SUCLG2: variants seen among roughly 807,000 people sequenced by gnomAD.
SUCLG2 encodes succinate--CoA ligase [GDP-forming] subunit beta, mitochondrial.
In SUCLG2, 42 loss-of-function variants were observed where a neutral mutation model predicts 47.9. The observed-to-expected ratio is 0.88, with a 90% CI of 0.69 to 1.14. The LOEUF is 1.14. SUCLG2 is among the 50% of genes most tolerant of loss of function. The pLI is 0.00. For synonymous variants in SUCLG2, 195 were observed against 197.3 expected (o/e 0.99, Z 0.10); for missense variants, 571 against 525.9 (o/e 1.09, Z -0.84).
intron 2 of SUCLG2, among the ~76,000 whole-genome samples, chr3:67,594,039 C>T (rs1261034507): frequency 6.6e-6 from 1 of 152,208 alleles, no homozygotes; most frequent in African/African-American, 2.4e-5. Context: ...ACTATACCCA[C>T]ACCTAGCCCA....
chr3:67,654,567 G>A lies in SUCLG2; in HGVS notation c.20C>T (p.Ala7Val). The A allele has an allele frequency of 3.1e-6, 4 of 1,273,804 alleles. No homozygotes were observed. The highest frequency in any genetic ancestry group is 4.0e-6 in the Non-Finnish European group (4 of 1,007,260). The allele number at this position is 1,273,804 out of a possible 1,614,324, so 78.9% of individuals were successfully genotyped here. The change falls in exon 1 of 11, where the codon GCG becomes GTG. Residue 7 changes from alanine to valine, a missense_variant. Transcript: ENST00000307227. Reference protein sequence around the residue: MASPVAAQAGKLLRALA... With the variant: MASPVAVQAGKLLRALA... ...GGCTCGCAGAAGCTTCCCGGCCTGC[G>A]CTGCTACGGGGGACGCCATCTTAAA...
intron 1 of SUCLG2, among the ~76,000 whole-genome samples, chr3:67,640,300 C>T (rs907823775): frequency 7.2e-5 from 11 of 152,172 alleles, no homozygotes; most frequent in African/African-American, 2.7e-4. Context: ...CAAAGTTAAG[C>T]ATGTATCTGG....
At chr3:67,504,368 A>G (rs1316000019) in intron 7 of SUCLG2, among the ~76,000 whole-genome samples, 1 of 152,188 alleles carries the variant, frequency 6.6e-6, no homozygotes, top group Non-Finnish European at 1.5e-5. Context: ...ACAAGAAGCA[A>G]CGGGGTGGTT....
At chr3:67,431,213 T>A (rs1313159768) in intron 9 of SUCLG2, among the ~76,000 whole-genome samples, 3 of 152,130 alleles carry the variant, frequency 2.0e-5, no homozygotes, top group African/African-American at 7.2e-5. Context: ...AATAAAATAC[T>A]GGCAAACTGA....
intron 6 of SUCLG2, among the ~76,000 whole-genome samples, chr3:67,516,883 A>C (rs886851381): frequency 2.6e-5 from 4 of 152,206 alleles, no homozygotes; most frequent in Admixed American, 2.0e-4. Flanking sequence ...CTTGGTGACC[A>C]CCACTGCTAC....
rs1016240688 is a variant in SUCLG2, at chr3:67,481,949, C to T, written c.1062+13849G>A. ...ATCCCAGCACTTTGTGAGGCCGAGG[C>T]GGGCGGACCACCTGAGGTCAGGAGT... On this transcript the variant is annotated intron_variant, in intron 9 of 10. Transcript: ENST00000307227. Among the ~76,000 whole-genome samples, 11 of 152,254 alleles carry T rather than the reference C, an allele frequency of 7.2e-5. 1 individual carries two copies. Among genetic ancestry groups the T allele is most frequent in the South Asian group, 4.1e-4 (2 of 4,822 alleles).
chr3:67,462,159 A>C (rs563423728), intron 9 of SUCLG2, among the ~76,000 whole-genome samples: 170 of 152,098 alleles, frequency 1.1e-3, no homozygotes, highest in Middle Eastern at 3.4e-3. Context: ...AACCTCAAAA[A>C]ACAATCTCTC....
intron 1 of SUCLG2, among the ~76,000 whole-genome samples, chr3:67,644,580 T>G (rs1346109174): frequency 6.6e-6 from 1 of 151,982 alleles, no homozygotes; most frequent in African/African-American, 2.4e-5. Flanking sequence ...CATAACAATA[T>G]GAATATATAA....
intron 2 of SUCLG2, among the ~76,000 whole-genome samples, chr3:67,544,069 T>C (rs1706795769): frequency 1.3e-5 from 2 of 152,236 alleles, no homozygotes; most frequent in South Asian, 4.1e-4. Flanking sequence ...CACTTACTTA[T>C]TCTATGGGAA....
intron 9 of SUCLG2, among the ~76,000 whole-genome samples, chr3:67,493,729 A>T (rs1487164841): frequency 6.6e-6 from 1 of 152,070 alleles, no homozygotes; most frequent in African/African-American, 2.4e-5. Flanking sequence ...AAGCAGCTTA[A>T]GGAGCTGTGT....
At chr3:67,471,685 C>T (rs1301031794) in intron 9 of SUCLG2, among the ~76,000 whole-genome samples, 1 of 150,844 alleles carries the variant, frequency 6.6e-6, no homozygotes, top group Non-Finnish European at 1.5e-5. Flanking sequence ...TTAATTTGGC[C>T]AGTTTTAGGG....
chr3:67,436,728 TA>T (rs1370845900), intron 9 of SUCLG2, among the ~76,000 whole-genome samples: 2 of 152,272 alleles, frequency 1.3e-5, no homozygotes, highest in East Asian at 1.9e-4. Flanking sequence ...ATTTAGTGCT[TA>T]AAAAAATTAT....
At chr3:67,373,983 A>C (rs750207115), downstream of SUCLG2, among the ~76,000 whole-genome samples, 2 of 152,224 alleles carry the variant, frequency 1.3e-5, no homozygotes, top group Non-Finnish European at 2.9e-5. Flanking sequence ...TAATCACAAA[A>C]ATGATTTAAT....
intron 10 of SUCLG2, among the ~76,000 whole-genome samples, chr3:67,364,064 C>A (rs2106740785): frequency 6.6e-6 from 1 of 152,278 alleles, no homozygotes; most frequent in Admixed American, 6.5e-5. Context: ...CAGGAAGGGG[C>A]AGCCTAACAA....
chr3:67,437,443 T>G (rs1703651027), intron 9 of SUCLG2, among the ~76,000 whole-genome samples: 6 of 152,202 alleles, frequency 3.9e-5, no homozygotes, highest in Admixed American at 3.9e-4. Context: ...TACGATAGCT[T>G]TTTAACGTAC....
At position 67,557,694 on chromosome 3, in the gene SUCLG2, A is replaced by G. The variant is rs185406234; in HGVS notation, c.227-28508T>C. Among the ~76,000 whole-genome samples the G allele has an allele frequency of 3.6e-3, 544 of 152,336 alleles. 2 individuals carry two copies. Among genetic ancestry groups the G allele is most frequent in the African/African-American group, 0.012 (519 of 41,588 alleles). The stretch of plus-strand genomic sequence containing the variant: ...CTGAAATCAGTGGTTTCCATGGTCC[A>G]TGGCTGAGCGGCATCAGAATCACTT... On this transcript the variant is annotated intron_variant, in intron 2 of 10. Transcript: ENST00000307227.
rs114593102 is a variant in SUCLG2, at chr3:67,363,963, C to G, written c.1184-3195G>C. Among the ~76,000 whole-genome samples, 706 of 152,290 alleles carry G rather than the reference C, an allele frequency of 4.6e-3. 2 individuals carry two copies. Among genetic ancestry groups the G allele is most frequent in the African/African-American group, 0.016 (672 of 41,564 alleles). ...TGGGTTTTCATTTTGCCTCATATAT[C>G]CCAGAGTTGGAACTGAAGAAACTGG... On this transcript the variant is annotated intron_variant, in intron 10 of 10. Transcript: ENST00000493112.
intron 9 of SUCLG2, among the ~76,000 whole-genome samples, chr3:67,481,650 G>A (rs1370952838): frequency 6.6e-6 from 1 of 152,132 alleles, no homozygotes; most frequent in Non-Finnish European, 1.5e-5. Flanking sequence ...CCTAGAGACT[G>A]GTATGTGACC....
rs187641979 is a variant in SUCLG2, at chr3:67,427,310, T to C, written c.1063-26459A>G. 1.6e-4 allele frequency among the ~76,000 whole-genome samples: 24 copies of C among 152,236 alleles called. No individual in the cohort carries two copies. The East Asian group carries it at 2.7e-3, about 17-fold the overall frequency. On this transcript the variant is annotated intron_variant, in intron 9 of 10. Coordinates refer to ENST00000307227, the MANE Select transcript of SUCLG2 (RefSeq NM_003848.4). Reference sequence around the variant, plus strand: ...AAGCCCTTGACAAGAAAGTAAACAATAGAAACCAGGTCAGCAACTGAAGAC... The same window carrying C: ...AAGCCCTTGACAAGAAAGTAAACAACAGAAACCAGGTCAGCAACTGAAGAC...
Sources: allele counts gnomAD v4.1 joint callset (sites outside exome capture counted in the v4.1 genomes callset), GRCh38; gene constraint gnomAD v4.1.1; transcripts MANE v1.5; gene names NCBI Gene and HGNC (gene_info 2026-07-23, HGNC 2026-07-21).